THAP6: variants seen among roughly 807,000 people sequenced by gnomAD.
The protein encoded by THAP6 is THAP domain containing 6.
In THAP6, 13 loss-of-function variants were observed where a neutral mutation model predicts 20.0. The observed-to-expected ratio is 0.65, with a 90% CI of 0.42 to 1.03. The LOEUF is 1.03. Ranked by LOEUF, THAP6 falls within the 50% of genes least tolerant of loss-of-function variation. The pLI is 0.00. For missense variants in THAP6, 262 were observed against 261.6 expected (o/e 1.00, Z -0.01); for synonymous variants, 93 against 92.2 (o/e 1.01, Z -0.05).
chr4:75,529,419 A>C lies in THAP6; in HGVS notation c.*2205A>C. ...AGACTCAGCACTTCTTTTTCACTGG[A>C]CCTAGTATAACTGAGAAATAAATAA... On this transcript the variant is annotated 3_prime_UTR_variant, in exon 5 of 5. Transcript: ENST00000311638. The C allele has an allele frequency of 1.0e-6, 1 of 985,386 alleles. No individual in the cohort carries two copies. The highest frequency in any genetic ancestry group is 1.2e-6 in the Non-Finnish European group (1 of 829,918). The allele number at this position is 985,386 out of a possible 1,614,324, so 61.0% of individuals were successfully genotyped here. A position where few individuals can be genotyped will look rare whatever the true frequency, so the allele number is the denominator to read the frequency against.
intron 2 of THAP6, among the ~76,000 whole-genome samples, chr4:75,536,593 C>A (rs1185319005): frequency 1.3e-5 from 2 of 152,182 alleles, no homozygotes; most frequent in African/African-American, 4.8e-5. Context: ...GGCATGATCA[C>A]GTCTCACTGC....
chr4:75,529,163 T>C lies in THAP6; in HGVS notation c.*1949T>C. On this transcript the variant is annotated 3_prime_UTR_variant, in exon 5 of 5. Coordinates refer to ENST00000311638, the MANE Select transcript of THAP6 (RefSeq NM_144721.6). ...AGTTTGGGTATGATCTTAGGTTTTA[T>C]GGAGATGTTTTCAATAGAGATTATT... 2.0e-6 allele frequency: 2 copies of C among 983,306 alleles called. No individual in the cohort carries two copies. Among genetic ancestry groups the C allele is most frequent in the South Asian group, 9.4e-5 (2 of 21,234 alleles). The allele number at this position is 983,306 out of a possible 1,614,324, so 60.9% of individuals were successfully genotyped here. A position where few individuals can be genotyped will look rare whatever the true frequency, so the allele number is the denominator to read the frequency against.
chr4:75,535,068 TTA>T (rs1455057095), intron 2 of THAP6, among the ~76,000 whole-genome samples: 1 of 152,130 alleles, frequency 6.6e-6, no homozygotes, highest in African/African-American at 2.4e-5. Flanking sequence ...ACCCAAAGGA[TTA>T]TAAATCAGGC....
downstream of THAP6, among the ~76,000 whole-genome samples, chr4:75,533,347 T>A (rs1414469392): frequency 1.3e-5 from 2 of 152,172 alleles, no homozygotes; most frequent in African/African-American, 4.8e-5. Context: ...CAGCCTGGAT[T>A]TCATTGTCCA....
At chr4:75,515,722 G>A (rs562991488) in intron 2 of THAP6, among the ~76,000 whole-genome samples, 190 bp downstream of exon 2, 14 of 152,294 alleles carry the variant, frequency 9.2e-5, no homozygotes, top group African/African-American at 3.4e-4. Flanking sequence ...TAAGATATCA[G>A]AGACTTTAAG....
intron 2 of THAP6, chr4:75,539,869 A>G (rs1726958722): frequency 1.0e-5 from 16 of 1,536,122 alleles, no homozygotes; most frequent in Non-Finnish European, 1.4e-5. Flanking sequence ...AAACACAGGA[A>G]AAGGAAACAA....
intron 2 of THAP6, among the ~76,000 whole-genome samples, chr4:75,541,889 G>A (rs1477946766): frequency 1.3e-5 from 2 of 151,834 alleles, no homozygotes; most frequent in African/African-American, 4.8e-5. Flanking sequence ...GCAGAGGGGC[G>A]GAGGTTTCAG....
rs1726454760 is a variant in THAP6, at chr4:75,527,470, T to G, written c.*256T>G. On this transcript the variant is annotated 3_prime_UTR_variant, in exon 5 of 5. Transcript: ENST00000311638. ...AGGTCACTATTGTAAGATGTTAAAA[T>G]CTCAAGAAAATTTCACAGAGCTAAA... is the stretch of plus-strand genomic sequence containing the variant. 8.0e-7 allele frequency: 1 copy of G among 1,248,634 alleles called. No homozygotes were observed. 77.3% of individuals were successfully genotyped at this position (1,248,634 alleles called of 1,614,324 possible).
chr4:75,530,730 C>T (rs1019423367), downstream of THAP6, among the ~76,000 whole-genome samples: 1 of 152,136 alleles, frequency 6.6e-6, no homozygotes, highest in Admixed American at 6.5e-5. Context: ...GATGGAAAAC[C>T]ATGCACCCAA....
upstream of THAP6, chr4:75,513,958 T>G: frequency 2.1e-6 from 1 of 481,882 alleles, no homozygotes; most frequent in Non-Finnish European, 3.6e-6. Context: ...GAGACCACTG[T>G]GCAAGCCTAA....
rs1360137777 is a variant in THAP6, at chr4:75,527,531, A to G, written c.*317A>G. On this transcript the variant is annotated 3_prime_UTR_variant, in exon 5 of 5. Coordinates refer to ENST00000311638, the MANE Select transcript of THAP6 (RefSeq NM_144721.6). ...CAAATTAGTCACATTAAGCTATAGT[A>G]GAAGGAATTGGACACTTCTCCAGAT... 3 of 1,114,438 alleles carry G rather than the reference A, an allele frequency of 2.7e-6. No homozygotes were observed. Among genetic ancestry groups the G allele is most frequent in the Non-Finnish European group, 3.3e-6 (3 of 910,132 alleles). 69.0% of individuals were successfully genotyped at this position (1,114,438 alleles called of 1,614,324 possible).
intron 1 of THAP6, chr4:75,514,779 C>G (rs1725424864): frequency 6.3e-6 from 1 of 157,924 alleles, no homozygotes; most frequent in African/African-American, 2.4e-5. Flanking sequence ...CGCCAGGGTG[C>G]TCGCTGGCAC....
At chr4:75,544,160 C>T (rs1348391706) in intron 3 of THAP6, among the ~76,000 whole-genome samples, 1 of 152,190 alleles carries the variant, frequency 6.6e-6, no homozygotes, top group African/African-American at 2.4e-5. Context: ...CATCACCCAG[C>T]TTCAACAGTT....
rs1182509652 is a variant in THAP6 at position 75,528,550 on chromosome 4, C to T, written c.*1336C>T. 1 of 981,878 alleles carries T rather than the reference C, an allele frequency of 1.0e-6. No homozygotes were observed. The highest frequency in any genetic ancestry group is 1.8e-5 in the African/African-American group (1 of 57,076). The allele number at this position is 981,878 out of a possible 1,614,324, so 60.8% of individuals were successfully genotyped here. ...GTTTATTGTAATTTTATTTTTGTTACATTAATATTAGTTAAGATATGGTCA... is the reference window on the plus strand; with the variant it reads ...GTTTATTGTAATTTTATTTTTGTTATATTAATATTAGTTAAGATATGGTCA... On this transcript the variant is annotated 3_prime_UTR_variant, in exon 5 of 5. Coordinates refer to ENST00000311638, the MANE Select transcript of THAP6 (RefSeq NM_144721.6).
chr4:75,515,927 C>A (rs1216758911), intron 2 of THAP6, among the ~76,000 whole-genome samples: 1 of 152,162 alleles, frequency 6.6e-6, no homozygotes. Flanking sequence ...AGAAAAAATA[C>A]AAATTACAAG....
In THAP6 at chr4:75,521,828, A is replaced by G. The variant is rs201829770; in HGVS notation, c.381A>G (p.Ser127=). ...ATCACCATCTTGTTGGTGCTTCCTC[A>G]TGTATTGAAGAATTCCAATCCCAGT... ...NYNHHLVGAS[S]CIEEFQSQFI... Residue 127 remains serine, a synonymous_variant, in exon 4 of 5, where the codon TCA becomes TCG. Coordinates refer to ENST00000311638, the MANE Select transcript of THAP6 (RefSeq NM_144721.6). The G allele has an allele frequency of 3.4e-5, 55 of 1,613,476 alleles. No homozygotes were observed. The South Asian group carries it at 5.4e-4, about 16-fold the overall frequency.
intron 1 of THAP6, 148 bp downstream of exon 1, chr4:75,514,668 ACGGGTCCTCCCTCTCTCCCTCCGGTGG>A (rs1367447149): frequency 5.6e-6 from 1 of 178,262 alleles, no homozygotes; most frequent in African/African-American, 2.3e-5. Flanking sequence ...GTTACCTGTG[ACGGGTCCTCCCTCTCTCCCTCCGGTGG>A]CGGGGAGCCT....
Position 75,528,068 on chromosome 4 carries a change from C to A in THAP6, c.*854C>A, listed in dbSNP as rs1726491063. ...TTTATATGTAAAGTAGTATTGCTGA[C>A]ATTTTAAAAAAATACAAAATACAAA... On this transcript the variant is annotated 3_prime_UTR_variant, in exon 5 of 5. Transcript: ENST00000311638. 1.0e-6 allele frequency: 1 copy of A among 984,230 alleles called. No individual in the cohort carries two copies. Among genetic ancestry groups the A allele is most frequent in the African/African-American group, 1.7e-5 (1 of 57,280 alleles). The allele number at this position is 984,230 out of a possible 1,614,324, so 61.0% of individuals were successfully genotyped here.
chr4:75,515,880 C>T (rs559248973), intron 2 of THAP6, among the ~76,000 whole-genome samples: 1 of 152,164 alleles, frequency 6.6e-6, no homozygotes, highest in East Asian at 1.9e-4. Flanking sequence ...AATATATTGC[C>T]CTCTCTATTT....
Sources: allele counts gnomAD v4.1 joint callset (sites outside exome capture counted in the v4.1 genomes callset), GRCh38; gene constraint gnomAD v4.1.1; transcripts MANE v1.5; gene names NCBI Gene and HGNC (gene_info 2026-07-23, HGNC 2026-07-21).